Variants in IMPA1 observed in about 807,000 individuals in gnomAD.
The protein encoded by IMPA1 is D-galactose 1-phosphate phosphatase.
A neutral mutation model predicts 34.9 loss-of-function variants in IMPA1; 21 were observed. That is an observed-to-expected ratio of 0.60 (90% confidence interval 0.43 to 0.87). IMPA1 has a LOEUF of 0.87. Among genes scored for constraint, IMPA1 ranks in the 40% least tolerant of loss-of-function variants. IMPA1 has a pLI of 0.00. For synonymous variants in IMPA1, 95 were observed against 104.4 expected, an observed-to-expected ratio of 0.91 and a Z score of 0.55; for missense variants, 299 against 336.4, an observed-to-expected ratio of 0.89 and a Z score of 0.87.
intron 7 of IMPA1, among the ~76,000 whole-genome samples, chr8:81,670,733 A>C (rs1196502948): frequency 2.0e-5 from 3 of 152,220 alleles, no homozygotes; most frequent in Non-Finnish European, 2.9e-5. Context: ...TTAGCAGATT[A>C]ACTGACAAAA....
chr8:81,662,929 G>A (rs1443305513), intron 7 of IMPA1, among the ~76,000 whole-genome samples: 1 of 152,046 alleles, frequency 6.6e-6, no homozygotes, highest in African/African-American at 2.4e-5. Flanking sequence ...TTGGTTCTTA[G>A]GAACCTATTA....
At chr8:81,674,107 G>A (rs1807066961) in intron 5 of IMPA1, 158 bp from the exon 6 acceptor site, 1 of 565,022 alleles carries the variant, frequency 1.8e-6, no homozygotes, top group Admixed American at 3.0e-5. Flanking sequence ...GACTAATCAA[G>A]AGAAAGAGGT....
chr8:81,663,425 T>C (rs1055408597), intron 7 of IMPA1, among the ~76,000 whole-genome samples: 5 of 152,230 alleles, frequency 3.3e-5, no homozygotes, highest in African/African-American at 1.2e-4. Flanking sequence ...AGGGTCTGAC[T>C]TCTAAGAGAA....
intron 3 of IMPA1, among the ~76,000 whole-genome samples, chr8:81,680,053 T>C (rs536364453): frequency 1.7e-3 from 255 of 151,758 alleles, no homozygotes; most frequent in Middle Eastern, 3.4e-3. Flanking sequence ...GAGAATCACT[T>C]GAACCTGGGA....
At chr8:81,679,566 T>C (rs1807230868) in intron 3 of IMPA1, among the ~76,000 whole-genome samples, 1 of 149,968 alleles carries the variant, frequency 6.7e-6, no homozygotes, top group Non-Finnish European at 1.5e-5. Flanking sequence ...TGAGCCGAGA[T>C]CGTGCCACTG....
At chr8:81,664,719 G>A (rs1055460025) in intron 7 of IMPA1, among the ~76,000 whole-genome samples, 6 of 151,990 alleles carry the variant, frequency 3.9e-5, no homozygotes, top group African/African-American at 1.5e-4. Context: ...AGGAACTAAG[G>A]GGTGCGGGGA....
At chr8:81,680,919 A>C (rs1807280547) in intron 2 of IMPA1, 136 bp from the exon 3 acceptor site, 1 of 673,370 alleles carries the variant, frequency 1.5e-6, no homozygotes. Context: ...TCTTACAAAT[A>C]TATCTATAAA....
At chr8:81,676,946 G>C (rs1405834582) in intron 4 of IMPA1, among the ~76,000 whole-genome samples, 1 of 152,116 alleles carries the variant, frequency 6.6e-6, no homozygotes, top group African/African-American at 2.4e-5. Context: ...GTGAGCCATA[G>C]TCATGCCACT....
intron 2 of IMPA1, 91 bp from the exon 3 acceptor site, chr8:81,680,874 T>C: frequency 1.1e-6 from 1 of 911,034 alleles, no homozygotes; most frequent in Non-Finnish European, 1.7e-6. Flanking sequence ...TCAATCTGTC[T>C]TAAATAATAT....
At chr8:81,661,492 C>G (rs2130241301) in intron 7 of IMPA1, among the ~76,000 whole-genome samples, 1 of 152,328 alleles carries the variant, frequency 6.6e-6, no homozygotes, top group South Asian at 2.1e-4. Context: ...GCCAAAAATC[C>G]ATGATCCAAA....
chr8:81,670,373 AG>A (rs1806951199), intron 7 of IMPA1, among the ~76,000 whole-genome samples: 1 of 152,146 alleles, frequency 6.6e-6, no homozygotes, highest in South Asian at 2.1e-4. Flanking sequence ...AGGAAAAAAA[AG>A]GAAACAAACC....
At chr8:81,676,844 T>TAGA (rs1260821244) in intron 4 of IMPA1, among the ~76,000 whole-genome samples, 1 of 151,768 alleles carries the variant, frequency 6.6e-6, no homozygotes, top group Non-Finnish European at 1.5e-5. Flanking sequence ...AGTCACGAAA[T>TAGA]TATCTGAGTG....
chr8:81,667,543 CAGA>C (rs1015623659), intron 7 of IMPA1, among the ~76,000 whole-genome samples: 14 of 151,982 alleles, frequency 9.2e-5, no homozygotes, highest in Non-Finnish European at 1.9e-4. Flanking sequence ...AGGTAGAAGA[CAGA>C]AGAATTCAGA....
chr8:81,673,243 C>T (rs1003950801), intron 6 of IMPA1, among the ~76,000 whole-genome samples: 3 of 152,190 alleles, frequency 2.0e-5, no homozygotes, highest in East Asian at 1.9e-4. Flanking sequence ...TATCTGATTG[C>T]TTCATCTGCC....
At chr8:81,666,263 G>A (rs1341435927) in intron 7 of IMPA1, among the ~76,000 whole-genome samples, 2 of 151,912 alleles carry the variant, frequency 1.3e-5, no homozygotes, top group African/African-American at 2.4e-5. Flanking sequence ...GAAACCTGCT[G>A]GAATAAAATG....
chr8:81,676,253 C>A lies in IMPA1; in HGVS notation c.329G>T (p.Gly110Val). 1.5e-6 allele frequency: 2 copies of A among 1,344,596 alleles called. No homozygotes were observed. The highest frequency in any genetic ancestry group is 1.5e-5 in the South Asian group (1 of 68,150). 83.3% of individuals were successfully genotyped at this position (1,344,596 alleles called of 1,614,324 possible). A position where few individuals can be genotyped will look rare whatever the true frequency, so the allele number is the denominator to read the frequency against. Residue 110 changes from glycine to valine, a missense_variant, in exon 5 of 9, where the codon GGC becomes GTC. Physicochemically the swap from Gly to Val is moderately radical, Grantham distance 109. Coordinates refer to ENST00000256108, the MANE Select transcript of IMPA1 (RefSeq NM_005536.4). Reference sequence around the variant, plus strand: ...TCATACCTTTTTATTTACAGCAAAGCCAATTGAAACAGCTACAAAAGGAAA... The same window carrying A: ...TCATACCTTTTTATTTACAGCAAAGACAATTGAAACAGCTACAAAAGGAAA... Reference protein sequence around the residue: ...HRFPFVAVSIGFAVNKKIEFG... With the variant: ...HRFPFVAVSIVFAVNKKIEFG...
intron 1 of IMPA1, among the ~76,000 whole-genome samples, chr8:81,683,814 T>G (rs1040422952): frequency 3.9e-5 from 6 of 152,074 alleles, no homozygotes; most frequent in African/African-American, 1.5e-4. Flanking sequence ...GATTGACAAC[T>G]GTGTAGAAAT....
In IMPA1 at chr8:81,686,318, G is replaced by A. The variant is rs1310285615; in HGVS notation, c.-91C>T. The A allele has an allele frequency of 1.0e-6, 1 of 987,274 alleles. No homozygotes were observed. The highest frequency in any genetic ancestry group is 1.1e-4 in the East Asian group (1 of 8,882). The allele number at this position is 987,274 out of a possible 1,614,324, so 61.2% of individuals were successfully genotyped here. ...ACCGCACTCGTCTCTTCCGGAGGTA[G>A]AGGGGCTACTCGCAACAGGAAGTTC... On this transcript the variant is annotated 5_prime_UTR_variant, in exon 1 of 9. Transcript: ENST00000256108.
intron 1 of IMPA1, 40 bp downstream of exon 1, chr8:81,686,212 C>T: frequency 9.7e-7 from 1 of 1,032,974 alleles, no homozygotes; most frequent in Non-Finnish European, 1.2e-6. Flanking sequence ...ACAGCGCCCG[C>T]TGAACCCGGA....
Sources: gnomAD v4.1 joint callset for allele counts (sites outside exome capture counted in the v4.1 genomes callset) on GRCh38, gnomAD v4.1.1 for gene constraint, MANE v1.5 for transcripts, NCBI Gene and HGNC (gene_info 2026-07-23, HGNC 2026-07-21) for gene names.